The following NRXN1 variants were observed in gnomAD, a reference collection of about 807,000 sequenced individuals.
The protein encoded by NRXN1 is neurexin 1.
A neutral mutation model predicts 150.9 loss-of-function variants in NRXN1; 39 were observed. That is an observed-to-expected ratio of 0.26 (90% CI 0.20 to 0.34). NRXN1 has a LOEUF of 0.34. Among genes scored for constraint, NRXN1 ranks in the 10% least tolerant of loss-of-function variants. The probability of loss-of-function intolerance (pLI) is 1.00; values close to 1 mark genes in which losing one functional copy is unlikely to be tolerated. For synonymous variants in NRXN1, 924 were observed against 757.0 expected (o/e 1.22, Z -3.62); for missense variants, 1,815 against 1,949.9 (o/e 0.93, Z 1.30).
intron 21 of NRXN1, among the ~76,000 whole-genome samples, chr2:49,998,471 A>C (rs1683362719): frequency 6.6e-6 from 1 of 152,094 alleles, no homozygotes; most frequent in South Asian, 2.1e-4. Context: ...TTTTTTTAGA[A>C]ACGTCAAACT....
chr2:50,326,770 T>A lies in NRXN1; in HGVS notation c.3365-89800A>T, dbSNP rs182372309. On this transcript the variant is annotated intron_variant, in intron 17 of 22. Transcript: ENST00000401669. ...ATGCTTTAAAGGGTATATTTTGTAA[T>A]TCCTAGGCTGTTCTTTGCTAAGGGA... Among the ~76,000 whole-genome samples, 4 of 152,302 alleles carry A rather than the reference T, an allele frequency of 2.6e-5. No homozygotes were observed. In the East Asian group the frequency reaches 7.7e-4, roughly 29 times the overall value.
chr2:50,328,712 G>A (rs2076550272), intron 17 of NRXN1, among the ~76,000 whole-genome samples: 1 of 152,126 alleles, frequency 6.6e-6, no homozygotes. Flanking sequence ...CTCCAGCCCA[G>A]GCAACAGAGT....
chr2:50,288,341 T>C (rs1914521), intron 17 of NRXN1, among the ~76,000 whole-genome samples: 28,880 of 151,734 alleles, frequency 0.19, 2,932 homozygotes, highest in East Asian at 0.38. Flanking sequence ...CTGCTAACCA[T>C]CCTACAATGC....
intron 5 of NRXN1, among the ~76,000 whole-genome samples, chr2:50,895,890 AT>A (rs1681871838): frequency 6.6e-6 from 1 of 151,806 alleles, no homozygotes. Flanking sequence ...TATGCAAGAA[AT>A]TTTATGTAAG....
intron 17 of NRXN1, among the ~76,000 whole-genome samples, chr2:50,293,252 T>A (rs1015042068): frequency 6.6e-6 from 1 of 152,060 alleles, no homozygotes; most frequent in African/African-American, 2.4e-5. Context: ...TTGTCACATC[T>A]CTTTTCCATC....
intron 17 of NRXN1, among the ~76,000 whole-genome samples, chr2:50,344,601 C>T (rs1203873164): frequency 2.6e-5 from 4 of 152,130 alleles, no homozygotes; most frequent in South Asian, 2.1e-4. Flanking sequence ...TGACAGACAC[C>T]TCTGATTTTT....
At chr2:49,995,750 C>A (rs113114648) in intron 21 of NRXN1, among the ~76,000 whole-genome samples, 62,908 of 132,296 alleles carry the variant, frequency 0.48, 15,284 homozygotes, top group Middle Eastern at 0.63. Context: ...CACTGCAATC[C>A]AGCCTGAGCG....
At chr2:50,740,201 C>A (rs945226684) in intron 5 of NRXN1, among the ~76,000 whole-genome samples, 1 of 152,126 alleles carries the variant, frequency 6.6e-6, no homozygotes, top group Non-Finnish European at 1.5e-5. Flanking sequence ...AGACCAGGGA[C>A]ATGAGTCTTG....
chr2:50,474,683 CAAAAAAAA>C (rs754558377), intron 15 of NRXN1, among the ~76,000 whole-genome samples: 2 of 54,998 alleles, frequency 3.6e-5, no homozygotes, highest in African/African-American at 1.6e-4. Flanking sequence ...ACAGAAATAG[CAAAAAAAA>C]AAAAAAAAAA....
At position 50,242,558 on chromosome 2, in the gene NRXN1, T is replaced by A. The variant is rs150910546; in HGVS notation, c.3365-5588A>T. On this transcript the variant is annotated intron_variant, in intron 17 of 22. Coordinates refer to ENST00000401669, the MANE Select transcript of NRXN1 (RefSeq NM_001330078.2). ...ATTAAAAATTCAGAAAAAGTGAACATCTTAGGAGAAGTTAATGGAATCAAG... is the reference window on the plus strand; with the variant it reads ...ATTAAAAATTCAGAAAAAGTGAACAACTTAGGAGAAGTTAATGGAATCAAG... 4.6e-4 allele frequency among the ~76,000 whole-genome samples: 70 copies of A among 151,842 alleles called. No homozygotes were observed. In the East Asian group the frequency reaches 0.013, roughly 29 times the overall value.
At chr2:51,005,138 C>A (rs747618681) in intron 2 of NRXN1, among the ~76,000 whole-genome samples, 1 of 151,892 alleles carries the variant, frequency 6.6e-6, no homozygotes, top group Non-Finnish European at 1.5e-5. Context: ...TAACCTACAT[C>A]TTTCTCTGGA....
intron 18 of NRXN1, among the ~76,000 whole-genome samples, chr2:50,127,772 A>C (rs1377215375): frequency 1.3e-5 from 2 of 152,200 alleles, no homozygotes; most frequent in African/African-American, 4.8e-5. Context: ...AATAGTCCCT[A>C]AGTCTTAAAT....
intron 17 of NRXN1, among the ~76,000 whole-genome samples, chr2:50,447,479 C>CAAAAAA (rs35878890): frequency 2.6e-5 from 1 of 38,552 alleles, no homozygotes; most frequent in Non-Finnish European, 4.6e-5. Context: ...GACTCTGTCT[C>CAAAAAA]AAAAAAAAAA....
chr2:50,287,584 G>A (rs1333043239), intron 17 of NRXN1, among the ~76,000 whole-genome samples: 2 of 152,050 alleles, frequency 1.3e-5, no homozygotes, highest in Admixed American at 6.6e-5. Context: ...AAAATAGCAC[G>A]TCTCTCAAGA....
chr2:50,663,215 T>C (rs570060815), intron 5 of NRXN1, among the ~76,000 whole-genome samples: 2 of 152,194 alleles, frequency 1.3e-5, no homozygotes, highest in Non-Finnish European at 2.9e-5. Context: ...ATACATATTT[T>C]TTCTGCCTCC....
chr2:50,394,413 T>A (rs2081934263), intron 17 of NRXN1, among the ~76,000 whole-genome samples: 1 of 152,156 alleles, frequency 6.6e-6, no homozygotes, highest in Admixed American at 6.6e-5. Context: ...AGTCTTCCGC[T>A]AATAACACCA....
intron 17 of NRXN1, among the ~76,000 whole-genome samples, chr2:50,360,314 G>T (rs1457155887): frequency 6.6e-6 from 1 of 152,194 alleles, no homozygotes; most frequent in Admixed American, 6.5e-5. Flanking sequence ...GGCAAGACTG[G>T]CAAATTGGAT....
At chr2:50,471,166 A>C (rs2104695650) in intron 16 of NRXN1, among the ~76,000 whole-genome samples, 1 of 151,830 alleles carries the variant, frequency 6.6e-6, no homozygotes, top group Admixed American at 6.6e-5. Flanking sequence ...TGAACTATAT[A>C]GTCGTGAAGT....
At chr2:50,449,102 G>A (rs2086727912) in intron 17 of NRXN1, among the ~76,000 whole-genome samples, 1 of 152,014 alleles carries the variant, frequency 6.6e-6, no homozygotes, top group Non-Finnish European at 1.5e-5. Flanking sequence ...GACCTTTTAT[G>A]GTCAAATTCA....
Sources: allele counts gnomAD v4.1 joint callset (sites outside exome capture counted in the v4.1 genomes callset), GRCh38; gene constraint gnomAD v4.1.1; transcripts MANE v1.5; gene names NCBI Gene and HGNC (gene_info 2026-07-23, HGNC 2026-07-21).